The following PCDHAC1 variants were observed in gnomAD, a reference collection of about 807,000 sequenced individuals.
The protein encoded by PCDHAC1 is protocadherin alpha-C1.
In PCDHAC1, 42 loss-of-function variants were observed where a neutral mutation model predicts 60.0. That is an observed-to-expected ratio of 0.70 (90% confidence interval 0.55 to 0.90). The LOEUF (loss-of-function observed/expected upper bound fraction) is 0.90, where lower values mean the gene tolerates loss of function less well. Ranked by LOEUF, PCDHAC1 falls within the 40% of genes least tolerant of loss-of-function variation. The pLI, the probability that PCDHAC1 is intolerant of heterozygous loss-of-function variation, is 0.00. For synonymous variants in PCDHAC1, 468 were observed against 499.3 expected (o/e 0.94, Z 0.84); for missense variants, 1,160 against 1,222.3 (o/e 0.95, Z 0.76).
chr5:140,999,775 A>T (rs2097875590), intron 3 of PCDHAC1, among the ~76,000 whole-genome samples: 1 of 152,178 alleles, frequency 6.6e-6, no homozygotes, highest in African/African-American at 2.4e-5. Context: ...TATACTCTTA[A>T]CCTAGAAATG....
rs1554206325 is a variant in PCDHAC1, at chr5:140,928,801, G to T, written c.1909G>T (p.Val637Leu). The change falls in exon 1 of 4, where the codon GTG (valine) becomes TTG (leucine). Residue 637 changes from valine to leucine, a missense_variant. By Grantham distance (32) the Val-to-Leu change is conservative. Around this residue, in one of 3 missense-constraint regions of PCDHAC1, gnomAD observed 1,113 missense variants for 1,163.7 expected, o/e 0.96. Coordinates refer to ENST00000253807, the MANE Select transcript of PCDHAC1 (RefSeq NM_018898.5). ...TDAVKQRVVV[V>L]VRDHGDPPLS... The stretch of plus-strand genomic sequence containing the variant: ...TGCAGTTAAGCAGAGGGTGGTGGTA[G>T]TGGTTCGGGACCATGGAGACCCACC... The T allele has an allele frequency of 6.2e-7, 1 of 1,614,066 alleles. No homozygotes were observed. The highest frequency in any genetic ancestry group is 1.3e-5 in the African/African-American group (1 of 74,942).
intron 3 of PCDHAC1, among the ~76,000 whole-genome samples, chr5:140,993,767 G>T (rs115607244): frequency 1.3e-5 from 2 of 152,010 alleles, no homozygotes; most frequent in African/African-American, 4.8e-5. Flanking sequence ...TTACAATTGC[G>T]CAGTATTTTG....
chr5:140,949,260 T>C (rs1292112980), intron 1 of PCDHAC1, among the ~76,000 whole-genome samples: 1 of 151,804 alleles, frequency 6.6e-6, no homozygotes, highest in Non-Finnish European at 1.5e-5. Flanking sequence ...GATGAACATA[T>C]CACGTGCACT....
chr5:140,948,705 T>C (rs1585306851), intron 1 of PCDHAC1, among the ~76,000 whole-genome samples: 1 of 151,580 alleles, frequency 6.6e-6, no homozygotes, highest in African/African-American at 2.4e-5. Context: ...ATTTGTGTTC[T>C]ATCCTCTTTT....
intron 3 of PCDHAC1, among the ~76,000 whole-genome samples, chr5:141,004,953 G>A (rs1409171628): frequency 7.2e-5 from 11 of 152,166 alleles, no homozygotes; most frequent in African/African-American, 2.4e-4. Context: ...ACCCTCTCTC[G>A]TCACTGCCTG....
intron 3 of PCDHAC1, among the ~76,000 whole-genome samples, chr5:141,007,166 A>C (rs548434277): frequency 3.3e-5 from 5 of 152,294 alleles, no homozygotes; most frequent in Admixed American, 6.5e-5. Context: ...GAACAGTCAG[A>C]GAGAAAGGTC....
chr5:140,930,466 T>C (rs2086864823), intron 1 of PCDHAC1: 1 of 152,352 alleles, frequency 6.6e-6, no homozygotes. Context: ...CAAGTGATCC[T>C]CCCACCTAGG....
chr5:140,955,998 G>A (rs1194688184), intron 1 of PCDHAC1, among the ~76,000 whole-genome samples: 1 of 152,174 alleles, frequency 6.6e-6, no homozygotes, highest in Non-Finnish European at 1.5e-5. Context: ...CATTGATTTT[G>A]TATCCTGAGA....
At position 140,982,438 on chromosome 5, in the gene PCDHAC1, T is replaced by C. The variant is rs782761318; in HGVS notation, c.2493-37T>C. On this transcript the variant is annotated intron_variant, in intron 2 of 3. Coordinates refer to ENST00000253807, the MANE Select transcript of PCDHAC1 (RefSeq NM_018898.5). ...GGAAGAAGAGATGGGAAAGAATTTA[T>C]GATCTAACCGTTATCTGGGTCTGTG... is the stretch of plus-strand genomic sequence containing the variant. The C allele has an allele frequency of 3.1e-6, 5 of 1,611,448 alleles. No individual in the cohort carries two copies. The South Asian group carries it at 5.5e-5, about 18-fold the overall frequency.
intron 1 of PCDHAC1, among the ~76,000 whole-genome samples, chr5:140,933,506 G>A (rs2089196836): frequency 6.6e-6 from 1 of 151,944 alleles, no homozygotes; most frequent in Non-Finnish European, 1.5e-5. Flanking sequence ...GTTAAGCAAA[G>A]ACTACAGCTG....
intron 1 of PCDHAC1, chr5:140,967,956 A>C: frequency 6.2e-7 from 1 of 1,614,172 alleles, no homozygotes; most frequent in Non-Finnish European, 8.5e-7. Context: ...TCAGGCCCCA[A>C]CCGGAAAGTG....
chr5:141,002,918 GAACACCCTCC>G (rs1554258833), intron 3 of PCDHAC1, among the ~76,000 whole-genome samples: 1 of 152,192 alleles, frequency 6.6e-6, no homozygotes, highest in Non-Finnish European at 1.5e-5. Flanking sequence ...TCAGAAAAGT[GAACACCCTCC>G]AACACCCTCC....
chr5:140,979,566 G>A (rs2096856791), intron 2 of PCDHAC1, among the ~76,000 whole-genome samples: 1 of 152,194 alleles, frequency 6.6e-6, no homozygotes, highest in Non-Finnish European at 1.5e-5. Flanking sequence ...GATGAGCCAT[G>A]TAAAGGGCTC....
chr5:140,962,046 G>A (rs2095653396), intron 1 of PCDHAC1, among the ~76,000 whole-genome samples: 1 of 151,964 alleles, frequency 6.6e-6, no homozygotes, highest in African/African-American at 2.4e-5. Flanking sequence ...ACCATGCCTG[G>A]CTAATTTTTT....
intron 1 of PCDHAC1, among the ~76,000 whole-genome samples, chr5:140,942,119 A>T (rs1180591078): frequency 6.6e-6 from 1 of 152,242 alleles, no homozygotes; most frequent in African/African-American, 2.4e-5. Context: ...AACTTTATTA[A>T]AGGTGATATT....
At position 140,950,714 on chromosome 5, in the gene PCDHAC1, TA is replaced by T. The variant is rs554168605; in HGVS notation, c.2433+21390del. On this transcript the variant is annotated intron_variant, in intron 1 of 3. Coordinates refer to ENST00000253807, the MANE Select transcript of PCDHAC1 (RefSeq NM_018898.5). ...AAATTTGACAAATTTTTGTTCCTTA[TA>T]TCCTTAAATTTTTTAATCCTAATTT... Among the ~76,000 whole-genome samples the T allele has an allele frequency of 2.0e-3, 304 of 152,244 alleles. 4 individuals are homozygous for T. The highest frequency in any genetic ancestry group is 6.6e-3 in the African/African-American group (275 of 41,574).
At chr5:140,979,126 A>G in intron 2 of PCDHAC1, 119 bp downstream of exon 2, 2 of 1,481,366 alleles carry the variant, frequency 1.4e-6, no homozygotes, top group South Asian at 1.4e-5. Context: ...GTACTTTGCC[A>G]GGAAAATGCA....
chr5:140,968,025 C>T lies in PCDHAC1; in HGVS notation c.2434-10924C>T, dbSNP rs782679458. ...CTGAATGGCTTTGGAAACTCCTATA[C>T]ACTGGTGGTGAGCGGCCCACTGGAC... On this transcript the variant is annotated intron_variant, in intron 1 of 3. Coordinates refer to ENST00000253807, the MANE Select transcript of PCDHAC1 (RefSeq NM_018898.5). 4.3e-6 allele frequency: 7 copies of T among 1,614,200 alleles called. No individual in the cohort carries two copies. In the South Asian group the frequency reaches 6.6e-5, roughly 15 times the overall value.
At chr5:140,945,760 G>T (rs2093839081) in intron 1 of PCDHAC1, among the ~76,000 whole-genome samples, 2 of 152,154 alleles carry the variant, frequency 1.3e-5, no homozygotes, top group East Asian at 1.9e-4. Flanking sequence ...AAATGGTGGT[G>T]GGACAATTTG....
Sources: allele counts gnomAD v4.1 joint callset (sites outside exome capture counted in the v4.1 genomes callset), GRCh38; gene constraint gnomAD v4.1.1; regional missense constraint gnomAD v4.1.1; transcripts MANE v1.5; gene names NCBI Gene and HGNC (gene_info 2026-07-23, HGNC 2026-07-21).